Variants in MAP3K19 observed in about 807,000 individuals in gnomAD.
MAP3K19 encodes the protein SPS1/STE20-related protein kinase YSK4.
A neutral mutation model predicts 114.4 loss-of-function variants in MAP3K19; 91 were observed. That is an observed-to-expected ratio of 0.80 (90% CI 0.67 to 0.95). The LOEUF (loss-of-function observed/expected upper bound fraction) is 0.95, where lower values mean the gene tolerates loss of function less well. Among genes scored for constraint, MAP3K19 ranks in the 40% least tolerant of loss-of-function variants. MAP3K19 has a pLI of 0.00. For missense variants in MAP3K19, 1,471 were observed against 1,573.2 expected (o/e 0.94, Z 1.10); for synonymous variants, 518 against 530.5 (o/e 0.98, Z 0.32).
At position 134,988,101 on chromosome 2, in the gene MAP3K19, C is replaced by G. The variant is rs867395339; in HGVS notation, c.771G>C (p.Glu257Asp). Residue 257 changes from glutamate (E) to aspartate (D), a missense_variant, in exon 10 of 13, where the codon GAG becomes GAC. Physicochemically the swap from Glu to Asp is conservative, Grantham distance 45. Transcript: ENST00000392915. ...CCGGAGGCTCGTTTGATGGGCTGAG[C>G]TCATCAGATTGACGAACAGACACTG... ...KLSVSVRQSD[E>D]LSPSNEPPGA... The G allele has an allele frequency of 6.2e-7, 1 of 1,614,124 alleles. No homozygotes were observed. Among genetic ancestry groups the G allele is most frequent in the Admixed American group, 1.7e-5 (1 of 60,018 alleles).
At chr2:135,014,969 T>A (rs1158233675) in intron 5 of MAP3K19, among the ~76,000 whole-genome samples, 1 of 152,228 alleles carries the variant, frequency 6.6e-6, no homozygotes, top group Non-Finnish European at 1.5e-5. Context: ...TTGGGTATTT[T>A]CCATTTGGGG....
At chr2:135,023,522 G>A (rs766463386) in intron 4 of MAP3K19, 1 of 533,390 alleles carries the variant, frequency 1.9e-6, no homozygotes, top group Non-Finnish European at 3.8e-6. Flanking sequence ...GTTCCAATGT[G>A]CTCCCATTTT....
chr2:134,985,948 G>A lies in MAP3K19; in HGVS notation c.2924C>T (p.Ala975Val). ...TTTCTCATCAAGAGCTAATAATTCT[G>A]CAGCTAGACAACCTAATAGTTCATC... ...LTDELLGCLAAELLALDEKDN... is the reference protein window; with the variant it reads ...LTDELLGCLAVELLALDEKDN... Residue 975 changes from alanine to valine, a missense_variant, in exon 10 of 13, where the codon GCA (alanine) becomes GTA (valine). By Grantham distance (64) the Ala-to-Val change is moderately conservative (BLOSUM62 0). Transcript: ENST00000392915. 6.2e-7 allele frequency: 1 copy of A among 1,614,072 alleles called. No individual in the cohort carries two copies.
chr2:135,031,736 G>A (rs1688385236), intron 2 of MAP3K19, among the ~76,000 whole-genome samples: 1 of 152,242 alleles, frequency 6.6e-6, no homozygotes, highest in African/African-American at 2.4e-5. Flanking sequence ...AAGAGAAATG[G>A]TAGTGGAGAT....
In MAP3K19 at chr2:134,987,425, G is replaced by A. The variant is rs201072653; in HGVS notation, c.1447C>T (p.Pro483Ser). The A allele has an allele frequency of 1.9e-6, 3 of 1,614,062 alleles. No individual in the cohort carries two copies. The highest frequency in any genetic ancestry group is 4.5e-5 in the East Asian group (2 of 44,886). ...ACAGGGAAGGTGATGTGGATAAGAGGCACCATCCTACTCATTTCTGGTTTG... is the reference window on the plus strand; with the variant it reads ...ACAGGGAAGGTGATGTGGATAAGAGACACCATCCTACTCATTTCTGGTTTG... Reference protein sequence around the residue: ...RAKPEMSRMVPLIHITFPVDG... With the variant: ...RAKPEMSRMVSLIHITFPVDG... The change falls in exon 10 of 13, where the codon CCT becomes TCT. Residue 483 changes from proline (P) to serine (S), a missense_variant. Physicochemically the swap from Pro to Ser is moderately conservative, Grantham distance 74 (BLOSUM62 -1). Coordinates refer to ENST00000392915, the MANE Select transcript of MAP3K19 (RefSeq NM_025052.5).
At chr2:134,967,455 C>A (rs1573894613) in intron 12 of MAP3K19, among the ~76,000 whole-genome samples, 1 of 152,314 alleles carries the variant, frequency 6.6e-6, no homozygotes, top group East Asian at 1.9e-4. Context: ...GGTATAAAAC[C>A]TGATTGTACA....
intron 2 of MAP3K19, among the ~76,000 whole-genome samples, chr2:135,036,842 T>C (rs989024298): frequency 6.6e-6 from 1 of 151,620 alleles, no homozygotes; most frequent in Admixed American, 6.6e-5. Context: ...TGAAGAAAAA[T>C]TGGAGTCCAA....
chr2:135,034,173 G>C (rs1222228752), intron 2 of MAP3K19, among the ~76,000 whole-genome samples: 1 of 101,562 alleles, frequency 9.8e-6, no homozygotes, highest in South Asian at 4.4e-4. Context: ...GGCGATGGGC[G>C]GCCGGGCAGA....
chr2:135,041,840 CAAG>C (rs147732276), intron 1 of MAP3K19, among the ~76,000 whole-genome samples: 6,340 of 152,182 alleles, frequency 0.042, 155 homozygotes, highest in African/African-American at 0.055. Flanking sequence ...GAAAAACAAA[CAAG>C]AAAAAGTCTA....
In MAP3K19 at chr2:135,033,487, C is replaced by T. The variant is rs527701118; in HGVS notation, c.-283-2987G>A. ...CCACCCCCCGGACGGGGCGGCTGGC[C>T]GGGCAGAGGGGCTCCTCACTTCCCA... is the stretch of plus-strand genomic sequence containing the variant. On this transcript the variant is annotated intron_variant, in intron 2 of 12. Transcript: ENST00000392915. 7.7e-5 allele frequency among the ~76,000 whole-genome samples: 9 copies of T among 116,970 alleles called. 3 individuals are homozygous for T. Among genetic ancestry groups the T allele is most frequent in the African/African-American group, 3.0e-4 (7 of 23,466 alleles). 76.7% of individuals were successfully genotyped at this position (116,970 alleles called of 152,430 possible).
At chr2:135,006,328 T>C (rs1252475559) in intron 5 of MAP3K19, among the ~76,000 whole-genome samples, 2 of 152,208 alleles carry the variant, frequency 1.3e-5, no homozygotes, top group Non-Finnish European at 2.9e-5. Context: ...TTCTATGATC[T>C]AGGTGGACTA....
At chr2:134,991,730 G>A in intron 8 of MAP3K19, 150 bp from the exon 9 acceptor site, 2 of 661,520 alleles carry the variant, frequency 3.0e-6, no homozygotes, top group East Asian at 2.7e-5. Context: ...TTCACACAGA[G>A]GTGGAATCAT....
intron 9 of MAP3K19, 115 bp downstream of exon 9, chr2:134,991,422 C>CT (rs1573964401): frequency 1.1e-6 from 1 of 883,738 alleles, no homozygotes; most frequent in East Asian, 2.4e-5. Flanking sequence ...ATCAGTGACC[C>CT]TACCCCCTGC....
At chr2:135,022,814 A>G (rs992872049) in intron 4 of MAP3K19, among the ~76,000 whole-genome samples, 2 of 152,208 alleles carry the variant, frequency 1.3e-5, no homozygotes, top group African/African-American at 2.4e-5. Context: ...TTGCTAAGTG[A>G]AACCCTAATG....
intron 2 of MAP3K19, among the ~76,000 whole-genome samples, chr2:135,035,163 G>A (rs1458146631): frequency 3.9e-5 from 6 of 152,058 alleles, no homozygotes; most frequent in South Asian, 2.1e-4. Flanking sequence ...TTGGGAGGCC[G>A]AAGCAGGTGG....
At chr2:135,033,488 G>A (rs1199154129) in intron 2 of MAP3K19, among the ~76,000 whole-genome samples, 2 of 117,432 alleles carry the variant, frequency 1.7e-5, no homozygotes, top group African/African-American at 8.4e-5. Context: ...GCGGCTGGCC[G>A]GGCAGAGGGG....
intron 12 of MAP3K19, among the ~76,000 whole-genome samples, chr2:134,972,162 G>T (rs1683925540): frequency 6.6e-6 from 1 of 151,336 alleles, no homozygotes; most frequent in Non-Finnish European, 1.5e-5. Context: ...TTGTCTCCCT[G>T]ATGTTCTATC....
intron 2 of MAP3K19, among the ~76,000 whole-genome samples, chr2:135,032,681 T>C (rs1688418166): frequency 6.8e-6 from 1 of 146,418 alleles, no homozygotes; most frequent in Non-Finnish European, 1.5e-5. Context: ...GGCAGGGTCA[T>C]AGGACAATAG....
intron 5 of MAP3K19, among the ~76,000 whole-genome samples, chr2:135,012,217 T>C (rs1380037924): frequency 6.6e-6 from 1 of 152,092 alleles, no homozygotes; most frequent in Non-Finnish European, 1.5e-5. Flanking sequence ...ATAGGATGTT[T>C]AGGAGCGTCC....
Sources: gnomAD v4.1 joint callset for allele counts (sites outside exome capture counted in the v4.1 genomes callset) on GRCh38, gnomAD v4.1.1 for gene constraint, MANE v1.5 for transcripts, NCBI Gene and HGNC (gene_info 2026-07-23, HGNC 2026-07-21) for gene names.